BRF1: variants seen among roughly 807,000 people sequenced by gnomAD.
BRF1 encodes the protein transcription factor IIIB 90 kDa subunit.
Under a neutral mutation model 81.7 loss-of-function variants are expected in BRF1, and 59 were observed. The ratio of observed to expected loss-of-function variants is 0.72; its 90% CI spans 0.59 to 0.90. The LOEUF is 0.90. Among genes scored for constraint, BRF1 ranks in the 40% least tolerant of loss-of-function variants. BRF1 has a pLI of 0.00. For missense variants in BRF1, 1,050 were observed against 936.3 expected (o/e 1.12, Z -1.58); for synonymous variants, 491 against 395.6 (o/e 1.24, Z -2.86).
At chr14:105,252,983 G>C (rs1364823501) in intron 4 of BRF1, among the ~76,000 whole-genome samples, 1 of 152,230 alleles carries the variant, frequency 6.6e-6, no homozygotes, top group Non-Finnish European at 1.5e-5. Context: ...AGGGGTCTTG[G>C]CCTCAGCCCC....
chr14:105,300,355 C>T, intron 1 of BRF1, 91 bp downstream of exon 1: 1 of 1,336,024 alleles, frequency 7.5e-7, no homozygotes, highest in Non-Finnish European at 9.7e-7. Flanking sequence ...GCGTGCGGTA[C>T]CGAGGCGCTG....
chr14:105,211,878 C>T (rs587738959), intron 16 of BRF1: 9 of 595,016 alleles, frequency 1.5e-5, no homozygotes, highest in South Asian at 3.9e-5. Flanking sequence ...TTGGCCCGAG[C>T]GCTGAGCAGC....
chr14:105,226,079 C>T lies in BRF1; in HGVS notation c.1038G>A (p.Leu346=). 1.9e-6 allele frequency: 3 copies of T among 1,613,808 alleles called. No homozygotes were observed. The highest frequency in any genetic ancestry group is 2.5e-6 in the Non-Finnish European group (3 of 1,179,970). The part of the protein sequence containing the change: ...RPKAKGGLAS[L]AKDGSTEDTA... ...GCACAGTGGACTCACCATCTTTTGC[C>T]AGGCTGGCCAGGCCCCCCTTGGCCT... The change falls in exon 10 of 18, where the codon CTG becomes CTA. Residue 346 remains leucine (L), a synonymous_variant. Coordinates refer to ENST00000547530, the MANE Select transcript of BRF1 (RefSeq NM_001519.4).
chr14:105,228,458 C>T (rs1052082722), intron 7 of BRF1, among the ~76,000 whole-genome samples: 1 of 151,762 alleles, frequency 6.6e-6, no homozygotes, highest in Admixed American at 6.6e-5. Flanking sequence ...GCAGGAGAAT[C>T]TCTTGGACCC....
intron 4 of BRF1, among the ~76,000 whole-genome samples, chr14:105,253,162 A>G (rs1156377666): frequency 6.6e-6 from 1 of 152,180 alleles, no homozygotes; most frequent in African/African-American, 2.4e-5. Flanking sequence ...GCTGGCAGTG[A>G]TGGGAGCACC....
At chr14:105,286,264 G>A (rs200779964) in intron 2 of BRF1, 32 bp downstream of exon 2, 14 of 1,596,494 alleles carry the variant, frequency 8.8e-6, no homozygotes, top group East Asian at 4.5e-5. Context: ...GGGACCCGCC[G>A]CACGCTCAGC....
chr14:105,210,420 TG>T lies in BRF1; in HGVS notation c.*130del. ...TAAGTTCCACATGGGACGAGGGCTG[TG>T]GGACAGGTGCCACCTGTCACCAGGA... On this transcript the variant is annotated 3_prime_UTR_variant, in exon 18 of 18. Coordinates refer to ENST00000547530, the MANE Select transcript of BRF1 (RefSeq NM_001519.4). The surrounding 1 kb of genome is among the most constrained non-coding windows in gnomAD (Gnocchi z 4.7). 2 of 958,336 alleles carry T rather than the reference TG, an allele frequency of 2.1e-6. No individual in the cohort carries two copies. Among genetic ancestry groups the T allele is most frequent in the Non-Finnish European group, 1.6e-6 (1 of 636,144 alleles). The allele number at this position is 958,336 out of a possible 1,614,324, so 59.4% of individuals were successfully genotyped here.
upstream of BRF1, among the ~76,000 whole-genome samples, chr14:105,301,773 G>C (rs997723712): frequency 6.6e-6 from 1 of 152,142 alleles, no homozygotes. Flanking sequence ...GGCTGCGCAC[G>C]CCCTCAAATA....
At chr14:105,216,019 GCATA>G (rs1326075974) in intron 15 of BRF1, among the ~76,000 whole-genome samples, 1 of 101,994 alleles carries the variant, frequency 9.8e-6, no homozygotes, top group Non-Finnish European at 1.8e-5. Flanking sequence ...CACGCTGCAG[GCATA>G]CAGACACAGG....
chr14:105,300,701 G>A lies in BRF1; in HGVS notation c.-72C>T. 4 of 1,177,644 alleles carry A rather than the reference G, an allele frequency of 3.4e-6. No individual in the cohort carries two copies. Among genetic ancestry groups the A allele is most frequent in the African/African-American group, 1.6e-5 (1 of 62,468 alleles). 72.9% of individuals were successfully genotyped at this position (1,177,644 alleles called of 1,614,324 possible). A position where few individuals can be genotyped will look rare whatever the true frequency, so the allele number is the denominator to read the frequency against. Reference sequence around the variant, plus strand: ...GCCACCCGAGCCTCCGGAGCAGCCCGCGCCGCCCGCCCAGGCCCAGCCGCC... The same window carrying A: ...GCCACCCGAGCCTCCGGAGCAGCCCACGCCGCCCGCCCAGGCCCAGCCGCC... On this transcript the variant is annotated 5_prime_UTR_variant, in exon 1 of 18. Transcript: ENST00000547530.
At chr14:105,246,409 G>A (rs2055110310) in intron 5 of BRF1, among the ~76,000 whole-genome samples, 1 of 151,648 alleles carries the variant, frequency 6.6e-6, no homozygotes, top group African/African-American at 2.4e-5. Flanking sequence ...GGGCGCGGTG[G>A]CTCACACCTG....
chr14:105,300,470 C>T lies in BRF1; in HGVS notation c.160G>A (p.Val54Met), dbSNP rs779238570. 8 of 1,533,084 alleles carry T rather than the reference C, an allele frequency of 5.2e-6. No individual in the cohort carries two copies. In the South Asian group the frequency reaches 6.0e-5, roughly 12 times the overall value. 95.0% of individuals were successfully genotyped at this position (1,533,084 alleles called of 1,614,324 possible). Residue 54 changes from valine to methionine, a missense_variant, in exon 1 of 18, where the codon GTG (valine) becomes ATG (methionine). Physicochemically the swap from Val to Met is conservative, Grantham distance 21. This residue lies in a region of BRF1 where 1,043 missense variants were observed against 915.4 expected (regional missense o/e 1.14). Transcript: ENST00000547530. ...CCGTCCAGGGACACGAACTGGCCCA[C>T]GGCCGAGGAGCCGCCGCCGCTGCTC... ...VESSGGGSSAVGQFVSLDGAG... is the reference protein window; with the variant it reads ...VESSGGGSSAMGQFVSLDGAG...
chr14:105,223,412 C>T (rs1455991453), intron 10 of BRF1, among the ~76,000 whole-genome samples: 3 of 151,792 alleles, frequency 2.0e-5, no homozygotes, highest in Non-Finnish European at 2.9e-5. Context: ...ACAATACAAA[C>T]GAACAAACCA....
chr14:105,251,744 G>A (rs2055626346), intron 5 of BRF1, among the ~76,000 whole-genome samples: 1 of 151,894 alleles, frequency 6.6e-6, no homozygotes, highest in Admixed American at 6.6e-5. Context: ...GCCTCTAAGC[G>A]GGCCATGGAA....
intron 5 of BRF1, chr14:105,249,034 A>G: frequency 8.2e-7 from 1 of 1,213,144 alleles, no homozygotes; most frequent in Non-Finnish European, 1.0e-6. Flanking sequence ...CTCGGCAACA[A>G]CCACCAGGAG....
intron 2 of BRF1, among the ~76,000 whole-genome samples, chr14:105,278,782 T>C (rs56776600): frequency 0.036 from 5,422 of 151,582 alleles, 176 homozygotes; most frequent in African/African-American, 0.086. Context: ...CAGTGGCTCA[T>C]GCCGGTAATC....
chr14:105,228,495 G>A (rs587643799), intron 7 of BRF1, among the ~76,000 whole-genome samples: 110 of 150,270 alleles, frequency 7.3e-4, no homozygotes, highest in Non-Finnish European at 1.3e-3. Flanking sequence ...AGTGAGCCGA[G>A]ATCACGCTAT....
At chr14:105,245,430 T>A (rs2055021466) in intron 5 of BRF1, among the ~76,000 whole-genome samples, 1 of 151,726 alleles carries the variant, frequency 6.6e-6, no homozygotes, top group African/African-American at 2.4e-5. Flanking sequence ...AACTAAAAAT[T>A]AACAAAATTA....
At chr14:105,274,404 T>G (rs946938498) in intron 2 of BRF1, among the ~76,000 whole-genome samples, 1 of 152,162 alleles carries the variant, frequency 6.6e-6, no homozygotes, top group Non-Finnish European at 1.5e-5. Context: ...TCTGTGTCAT[T>G]TCTTTTCTCA....
Sources: allele counts gnomAD v4.1 joint callset (sites outside exome capture counted in the v4.1 genomes callset), GRCh38; gene constraint gnomAD v4.1.1; regional missense constraint gnomAD v4.1.1; non-coding constraint Gnocchi (gnomAD v3.1); transcripts MANE v1.5; gene names NCBI Gene and HGNC (gene_info 2026-07-23, HGNC 2026-07-21).